The following ANAPC16 variants were observed in gnomAD, a reference collection of about 807,000 sequenced individuals.
ANAPC16 encodes anaphase promoting complex subunit 16.
Under a neutral mutation model 13.1 loss-of-function variants are expected in ANAPC16, and 6 were observed. The observed-to-expected ratio is 0.46, with a 90% CI of 0.25 to 0.90. The LOEUF (loss-of-function observed/expected upper bound fraction) is 0.90. ANAPC16 is among the 40% of genes least tolerant of loss of function. The probability of loss-of-function intolerance (pLI) is 0.18; values close to 1 mark genes in which losing one functional copy is unlikely to be tolerated. For synonymous variants in ANAPC16, 55 were observed against 51.3 expected (o/e 1.07, Z -0.31); for missense variants, 113 against 131.1 (o/e 0.86, Z 0.67).
chr10:72,219,009 C>T (rs1475125276), intron 1 of ANAPC16, among the ~76,000 whole-genome samples: 1 of 152,182 alleles, frequency 6.6e-6, no homozygotes, highest in African/African-American at 2.4e-5. Flanking sequence ...CTGGCAGTTG[C>T]TTGGGTGCTC....
intron 2 of ANAPC16, among the ~76,000 whole-genome samples, chr10:72,228,899 G>T: frequency 6.6e-6 from 1 of 152,180 alleles, no homozygotes; most frequent in East Asian, 1.9e-4. Context: ...TTAAATGCAA[G>T]TGAGAGGTGG....
intron 3 of ANAPC16, among the ~76,000 whole-genome samples, chr10:72,230,662 A>AG (rs1737734910): frequency 6.6e-6 from 1 of 152,166 alleles, no homozygotes; most frequent in South Asian, 2.1e-4. Context: ...TGGGAGGCTG[A>AG]GGCGGGTGGA....
intron 1 of ANAPC16, chr10:72,223,082 ATTTTTTTTTTTTTTTTT>A (rs67344471): frequency 3.5e-5 from 3 of 86,382 alleles, no homozygotes. Context: ...GAAAAGGTTA[ATTTTTTTTTTTTTTTTT>A]TTTTTTTTTT....
rs1372805847 is a variant in ANAPC16 at position 72,233,116 on chromosome 10, A to G, written c.333A>G (p.Ter111TrpextTer37). ...TGGGATTCACCCCCTCTTCAGGTTG[A>G]TACTGCCTGGATGGTCACCTCTGGT... is the stretch of plus-strand genomic sequence containing the variant. ...QLLGFTPSSG[*>W] is the part of the protein sequence containing the mutation. Residue 111 changes from the stop codon to tryptophan, a stop_lost, in exon 4 of 4, where the codon TGA becomes TGG. Transcript: ENST00000299381. 6.2e-7 allele frequency: 1 copy of G among 1,613,530 alleles called. No individual in the cohort carries two copies. Among genetic ancestry groups the G allele is most frequent in the Admixed American group, 1.7e-5 (1 of 60,008 alleles).
chr10:72,222,763 G>C (rs1025910598), intron 1 of ANAPC16, among the ~76,000 whole-genome samples: 2 of 152,236 alleles, frequency 1.3e-5, no homozygotes, highest in Non-Finnish European at 2.9e-5. Flanking sequence ...GGCGACAAGA[G>C]CGAGACTCCG....
At chr10:72,218,526 A>G (rs571123671) in intron 1 of ANAPC16, among the ~76,000 whole-genome samples, 6 of 152,212 alleles carry the variant, frequency 3.9e-5, no homozygotes, top group Non-Finnish European at 7.4e-5. Context: ...TTATTTTTTC[A>G]TATATAAAAT....
At chr10:72,217,033 G>T (rs772185948) in intron 1 of ANAPC16, 22 of 454,186 alleles carry the variant, frequency 4.8e-5, no homozygotes, top group Non-Finnish European at 8.4e-5. Flanking sequence ...CTCGCCCTGC[G>T]TTCTGTCGTT....
In ANAPC16 at chr10:72,233,259, T is replaced by A; in HGVS notation, c.*143T>A. 1 of 605,724 alleles carries A rather than the reference T, an allele frequency of 1.7e-6. No homozygotes were observed. Among genetic ancestry groups the A allele is most frequent in the Non-Finnish European group, 2.9e-6 (1 of 340,546 alleles). The allele number at this position is 605,724 out of a possible 1,614,324, so 37.5% of individuals were successfully genotyped here. ...TTTGTACTTGGTTTCTCTGTATCTA[T>A]TCACAGGCAACAAATACTTATATGT... On this transcript the variant is annotated 3_prime_UTR_variant, in exon 4 of 4. Coordinates refer to ENST00000299381, the MANE Select transcript of ANAPC16 (RefSeq NM_173473.4).
Position 72,224,018 on chromosome 10 carries a change from T to A in ANAPC16, c.104T>A (p.Leu35His). The change falls in exon 2 of 4, where the codon CTT (leucine) becomes CAT (histidine). Residue 35 changes from leucine to histidine, a missense_variant. Physicochemically the swap from Leu to His is moderately conservative, Grantham distance 99. Coordinates refer to ENST00000299381, the MANE Select transcript of ANAPC16 (RefSeq NM_173473.4). ...GACCTTGCCCCACCACGGAAAGCCC[T>A]TTTCACCTACCCCAAAGGAGCTGGA... The part of the protein sequence containing the change: ...VSDLAPPRKA[L>H]FTYPKGAGEM... 1 of 1,611,136 alleles carries A rather than the reference T, an allele frequency of 6.2e-7. No homozygotes were observed. Among genetic ancestry groups the A allele is most frequent in the Non-Finnish European group, 8.5e-7 (1 of 1,177,776 alleles).
chr10:72,216,213 G>A (rs914042333), intron 1 of ANAPC16, 75 bp downstream of exon 1: 6 of 155,434 alleles, frequency 3.9e-5, no homozygotes, highest in Non-Finnish European at 5.7e-5. Flanking sequence ...CTACCTGCAG[G>A]GACTAGAAAA....
intron 3 of ANAPC16, among the ~76,000 whole-genome samples, chr10:72,232,186 C>CA (rs1194817055): frequency 0.15 from 6,521 of 43,658 alleles, 755 homozygotes; most frequent in East Asian, 0.3. Flanking sequence ...AACTCTGTCT[C>CA]AAAAAAAAAA....
At chr10:72,227,704 C>T (rs1860165348) in intron 2 of ANAPC16, among the ~76,000 whole-genome samples, 1 of 151,940 alleles carries the variant, frequency 6.6e-6, no homozygotes, top group African/African-American at 2.4e-5. Flanking sequence ...AAATCTAACA[C>T]ACATGTACCT....
chr10:72,230,025 A>G (rs1270649193), intron 2 of ANAPC16, among the ~76,000 whole-genome samples: 1 of 152,196 alleles, frequency 6.6e-6, no homozygotes, highest in Non-Finnish European at 1.5e-5. Flanking sequence ...CAAATGTGTC[A>G]GCTGCCAGTG....
At chr10:72,229,097 A>G (rs1426063305) in intron 2 of ANAPC16, among the ~76,000 whole-genome samples, 1 of 152,112 alleles carries the variant, frequency 6.6e-6, no homozygotes, top group African/African-American at 2.4e-5. Context: ...TATGAATAGG[A>G]TAATGACTGC....
intron 1 of ANAPC16, among the ~76,000 whole-genome samples, chr10:72,219,689 A>C (rs191271892): frequency 6.6e-6 from 1 of 152,218 alleles, no homozygotes; most frequent in Non-Finnish European, 1.5e-5. Context: ...GTTAGCCAGG[A>C]TAGTGCCACT....
chr10:72,226,668 C>CA (rs954190684), intron 2 of ANAPC16, among the ~76,000 whole-genome samples: 114 of 113,426 alleles, frequency 1.0e-3, no homozygotes, highest in Middle Eastern at 4.2e-3. Flanking sequence ...GACCTTGTCT[C>CA]AAAAAAAAAA....
chr10:72,227,876 C>CAGA (rs2133684831), intron 2 of ANAPC16, among the ~76,000 whole-genome samples: 1 of 76,604 alleles, frequency 1.3e-5, no homozygotes, highest in African/African-American at 3.5e-5. Flanking sequence ...ACTAAAAATA[C>CAGA]AAAAAAAAAA....
At chr10:72,231,186 C>G (rs995601776) in intron 3 of ANAPC16, among the ~76,000 whole-genome samples, 4 of 152,180 alleles carry the variant, frequency 2.6e-5, no homozygotes, top group African/African-American at 9.7e-5. Context: ...GCCTCTAACC[C>G]TAGGATTTTA....
intron 3 of ANAPC16, among the ~76,000 whole-genome samples, chr10:72,232,751 A>G (rs1860360273): frequency 1.3e-5 from 2 of 151,478 alleles, no homozygotes. Context: ...CTACAGGCGC[A>G]TGCCACCACG....
Sources: gnomAD v4.1 joint callset for allele counts (sites outside exome capture counted in the v4.1 genomes callset) on GRCh38, gnomAD v4.1.1 for gene constraint, MANE v1.5 for transcripts, NCBI Gene and HGNC (gene_info 2026-07-23, HGNC 2026-07-21) for gene names.